The following TACR3 variants were observed in gnomAD, a reference collection of about 807,000 sequenced individuals.
TACR3 encodes the protein tachykinin receptor 3.
In TACR3, 34 loss-of-function variants were observed where a neutral mutation model predicts 35.0. The ratio of observed to expected loss-of-function variants is 0.97; its 90% confidence interval spans 0.74 to 1.30. TACR3 has a LOEUF of 1.30. TACR3 is among the 50% of genes most tolerant of loss of function. The pLI is 0.00. For synonymous variants in TACR3, 233 were observed against 221.1 expected, an observed-to-expected ratio of 1.05 and a Z score of -0.48; for missense variants, 558 against 591.7, an observed-to-expected ratio of 0.94 and a Z score of 0.59.
At chr4:103,645,539 C>T (rs1725439170) in intron 3 of TACR3, among the ~76,000 whole-genome samples, 1 of 151,886 alleles carries the variant, frequency 6.6e-6, no homozygotes, top group African/African-American at 2.4e-5. Context: ...CCTTAGGACA[C>T]TTAGAAACTG....
chr4:103,622,528 G>A (rs963178659), intron 3 of TACR3, among the ~76,000 whole-genome samples: 1 of 152,172 alleles, frequency 6.6e-6, no homozygotes, highest in East Asian at 1.9e-4. Context: ...TCAGGAGATC[G>A]AGACCATCCT....
rs886058972 is a variant in TACR3 at position 103,589,769 on chromosome 4, A to G, written c.1311T>C (p.Asn437=). The G allele has an allele frequency of 6.8e-6, 11 of 1,613,994 alleles. No individual in the cohort carries two copies. In the East Asian group the frequency reaches 2.2e-4, roughly 33 times the overall value. ...KRATPRDPSF[N]GCSRRNSKSA... ...ATTTGGAATTCCTGCGAGAGCAGCC[A>G]TTGAAACTTGGGTCTCTTGGCGTTG... The change falls in exon 5 of 5, where the codon AAT becomes AAC. Residue 437 remains asparagine (N), a synonymous_variant. Transcript: ENST00000304883.
intron 1 of TACR3, among the ~76,000 whole-genome samples, chr4:103,709,611 T>C (rs1038845100): frequency 1.3e-5 from 2 of 152,120 alleles, no homozygotes; most frequent in Middle Eastern, 3.4e-3. Flanking sequence ...ACGAGCAAAA[T>C]AACCAGCTAA....
At chr4:103,617,952 A>G (rs1578228839) in intron 3 of TACR3, among the ~76,000 whole-genome samples, 1 of 152,306 alleles carries the variant, frequency 6.6e-6, no homozygotes, top group South Asian at 2.1e-4. Context: ...AGATGTCATG[A>G]TGCTTGTAGA....
At chr4:103,621,889 T>G (rs1724788787) in intron 3 of TACR3, among the ~76,000 whole-genome samples, 1 of 152,212 alleles carries the variant, frequency 6.6e-6, no homozygotes, top group South Asian at 2.1e-4. Context: ...GATTTGAAAG[T>G]AATTTTTAAG....
intron 1 of TACR3, among the ~76,000 whole-genome samples, chr4:103,715,977 G>A (rs1723080819): frequency 6.6e-6 from 1 of 152,054 alleles, no homozygotes; most frequent in African/African-American, 2.4e-5. Context: ...TAATGACTTT[G>A]TCTAATCAAA....
rs1187771911 is a variant in TACR3, at chr4:103,658,371, C to T, written c.581G>A (p.Arg194Lys). ...YMAIIDPLKP[R>K]LSATATKIVI... ...AATCTTGGTTGCTGTAGCAGACAGT[C>T]TGGGTTTCAAGGGATCAATAATAGC... The change falls in exon 2 of 5, where the codon AGA (arginine) becomes AAA (lysine). Residue 194 changes from arginine to lysine, a missense_variant. Arg to Lys is a conservative substitution (Grantham distance 26). Transcript: ENST00000304883. 3.1e-6 allele frequency: 5 copies of T among 1,613,856 alleles called. No individual in the cohort carries two copies. Among genetic ancestry groups the T allele is most frequent in the Admixed American group, 1.7e-5 (1 of 59,960 alleles).
chr4:103,629,168 C>T (rs949909424), intron 3 of TACR3, among the ~76,000 whole-genome samples: 2 of 152,224 alleles, frequency 1.3e-5, no homozygotes, highest in East Asian at 1.9e-4. Flanking sequence ...TTATGACAAA[C>T]CCACAGCCAA....
intron 1 of TACR3, among the ~76,000 whole-genome samples, chr4:103,707,241 G>A (rs528294049): frequency 9.2e-5 from 14 of 152,172 alleles, no homozygotes; most frequent in African/African-American, 2.9e-4. Context: ...TCTTTACAGA[G>A]AGTGTAAACA....
chr4:103,684,450 C>T (rs1027486491), intron 1 of TACR3, among the ~76,000 whole-genome samples: 1 of 151,970 alleles, frequency 6.6e-6, no homozygotes, highest in Non-Finnish European at 1.5e-5. Flanking sequence ...TTTTAAAAAG[C>T]TACCACTAAT....
chr4:103,660,330 T>C (rs58891807), intron 1 of TACR3, among the ~76,000 whole-genome samples: 62,369 of 151,910 alleles, frequency 0.41, 14,792 homozygotes, highest in African/African-American at 0.66. Flanking sequence ...ATTCCAAATA[T>C]ATGTAGTATC....
At chr4:103,711,550 A>AAAAACTGGAAGCATTCCCTTTG (rs1404484624) in intron 1 of TACR3, among the ~76,000 whole-genome samples, 1 of 152,214 alleles carries the variant, frequency 6.6e-6, no homozygotes, top group African/African-American at 2.4e-5. Flanking sequence ...ATGAATGGGC[A>AAAAACTGGAAGCATTCCCTTTG]AAAACTGGAA....
rs375625407 is a variant in TACR3 at position 103,591,664 on chromosome 4, A to T, written c.908T>A (p.Ile303Asn). The change falls in exon 4 of 5, where the codon ATT becomes AAT. Residue 303 changes from isoleucine (I) to asparagine (N), a missense_variant. By Grantham distance (149) the Ile-to-Asn change is moderately radical (BLOSUM62 -3). Coordinates refer to ENST00000304883, the MANE Select transcript of TACR3 (RefSeq NM_001059.3). ...AKRKVVKMMI[I>N]VVMTFAICWL... is the part of the protein sequence containing the mutation. ...GCAGATAGCAAATGTCATGACAACA[A>T]TAATCATCATTTTGACAACCTATAA... is the stretch of plus-strand genomic sequence containing the variant. 6 of 1,613,040 alleles carry T rather than the reference A, an allele frequency of 3.7e-6. No homozygotes were observed. Among genetic ancestry groups the T allele is most frequent in the Non-Finnish European group, 5.1e-6 (6 of 1,179,664 alleles).
chr4:103,607,954 T>C (rs958978066), intron 3 of TACR3, among the ~76,000 whole-genome samples: 1 of 152,100 alleles, frequency 6.6e-6, no homozygotes, highest in Non-Finnish European at 1.5e-5. Context: ...GAAATGATCG[T>C]TTCCATGGAG....
chr4:103,591,466 A>G, intron 4 of TACR3, 21 bp downstream of exon 4: 1 of 1,613,316 alleles, frequency 6.2e-7, no homozygotes, highest in Non-Finnish European at 8.5e-7. Context: ...AGCAACTTGC[A>G]TTTCGTAGTT....
chr4:103,719,238 C>G lies in TACR3; in HGVS notation c.438G>C (p.Ala146=), dbSNP rs758689775. ...AFNTLVNFIY[A]LHSEWYFGAN... Reference sequence around the variant, plus strand: ...CGCCAAAGTACCACTCGCTATGAAGCGCGTAGATGAAATTGACCAACGTGT... The same window carrying G: ...CGCCAAAGTACCACTCGCTATGAAGGGCGTAGATGAAATTGACCAACGTGT... The change falls in exon 1 of 5, where the codon GCG becomes GCC. Residue 146 remains alanine (A), a synonymous_variant. Coordinates refer to ENST00000304883, the MANE Select transcript of TACR3 (RefSeq NM_001059.3). 2 of 1,614,146 alleles carry G rather than the reference C, an allele frequency of 1.2e-6. No individual in the cohort carries two copies. The highest frequency in any genetic ancestry group is 1.1e-5 in the South Asian group (1 of 91,082).
intron 3 of TACR3, among the ~76,000 whole-genome samples, chr4:103,639,223 A>C (rs1257764478): frequency 6.6e-6 from 1 of 151,786 alleles, no homozygotes; most frequent in African/African-American, 2.4e-5. Context: ...GGATTAAGAA[A>C]CTGTGGCACA....
At position 103,679,861 on chromosome 4, in the gene TACR3, G is replaced by A. The variant is rs1168435170; in HGVS notation, c.549-21458C>T. ...AATTATCTCTAACAAAAGGTACACTGGAACTACATAGAATGCAGAAGCTGG... is the reference window on the plus strand; with the variant it reads ...AATTATCTCTAACAAAAGGTACACTAGAACTACATAGAATGCAGAAGCTGG... On this transcript the variant is annotated intron_variant, in intron 1 of 4. Transcript: ENST00000304883. 7.2e-5 allele frequency among the ~76,000 whole-genome samples: 11 copies of A among 151,778 alleles called. No homozygotes were observed. In the South Asian group the frequency reaches 2.3e-3, roughly 32 times the overall value.
At chr4:103,647,477 T>C (rs1048944397) in intron 3 of TACR3, among the ~76,000 whole-genome samples, 1 of 151,938 alleles carries the variant, frequency 6.6e-6, no homozygotes, top group African/African-American at 2.4e-5. Context: ...AGAAGTATCA[T>C]AATTTCAATT....
Sources: allele counts gnomAD v4.1 joint callset (sites outside exome capture counted in the v4.1 genomes callset), GRCh38; gene constraint gnomAD v4.1.1; transcripts MANE v1.5; gene names NCBI Gene and HGNC (gene_info 2026-07-23, HGNC 2026-07-21).